Variants in CCNJL observed in about 807,000 individuals in gnomAD.
CCNJL encodes the protein cyclin J like.
A neutral mutation model predicts 33.4 loss-of-function variants in CCNJL; 33 were observed. That is an observed-to-expected ratio of 0.99 (90% confidence interval 0.75 to 1.32). CCNJL has a LOEUF of 1.32. Ranked by LOEUF, CCNJL falls within the 40% of genes most tolerant of loss-of-function variation. The pLI is 0.00. For synonymous variants in CCNJL, 227 were observed against 220.9 expected, an observed-to-expected ratio of 1.03 and a Z score of -0.24; for missense variants, 512 against 499.7, an observed-to-expected ratio of 1.02 and a Z score of -0.23.
chr5:160,322,774 C>T (rs557818934), intron 1 of CCNJL, among the ~76,000 whole-genome samples: 1 of 149,830 alleles, frequency 6.7e-6, no homozygotes, highest in East Asian at 2.0e-4. Flanking sequence ...GGCGTGGTTG[C>T]GCAGCGCACC....
intron 3 of CCNJL, among the ~76,000 whole-genome samples, chr5:160,269,111 A>G (rs1011620841): frequency 6.6e-6 from 1 of 152,200 alleles, no homozygotes; most frequent in African/African-American, 2.4e-5. Context: ...GAAATTGTGA[A>G]AATGCCTTCT....
intron 3 of CCNJL, among the ~76,000 whole-genome samples, chr5:160,266,651 G>A (rs1304340272): frequency 2.0e-5 from 3 of 152,182 alleles, no homozygotes; most frequent in African/African-American, 4.8e-5. Context: ...ACGGGCATGT[G>A]GGAGGTGCTC....
intron 3 of CCNJL, among the ~76,000 whole-genome samples, chr5:160,265,115 C>CAGGCTTGAGCGCGGCCCACCCCCAACT (rs1429097041): frequency 6.6e-6 from 1 of 152,140 alleles, no homozygotes; most frequent in Non-Finnish European, 1.5e-5. Context: ...TCCTGTTGCC[C>CAGGCTTGAGCGCGGCCCACCCCCAACT]AGGCTTGAGC....
At position 160,259,676 on chromosome 5, in the gene CCNJL, C is replaced by T; in HGVS notation, c.376G>A (p.Glu126Lys). 6.2e-7 allele frequency: 1 copy of T among 1,614,154 alleles called. No individual in the cohort carries two copies. Residue 126 changes from glutamate (E) to lysine (K), a missense_variant, in exon 4 of 6, where the codon GAG (glutamate) becomes AAG (lysine). Physicochemically the swap from Glu to Lys is moderately conservative, Grantham distance 56. Coordinates refer to ENST00000257536, the MANE Select transcript of CCNJL (RefSeq NM_001308173.3). ...AGCAGCAGCTCTGTGCTCAGCAGCT[C>T]CTTCTTGGTGAGGGTGAAGTTCTGG... ...SSQNFTLTKK[E>K]LLSTELLLLE...
intron 3 of CCNJL, among the ~76,000 whole-genome samples, chr5:160,263,757 T>G (rs1761448802): frequency 6.6e-6 from 1 of 152,218 alleles, no homozygotes; most frequent in Admixed American, 6.5e-5. Context: ...GGGCACACTT[T>G]GTGAATATCC....
chr5:160,250,213 A>G lies in CCNJL; in HGVS notation c.*3165T>C, dbSNP rs1368349993. ...CCCCAAGAGCTTAGAACCATCCACC[A>G]ACTTGACCATCTCCATAGTAACAGA... On this transcript the variant is annotated 3_prime_UTR_variant, in exon 6 of 6. Coordinates refer to ENST00000257536, the MANE Select transcript of CCNJL (RefSeq NM_001308173.3). The G allele has an allele frequency of 2.0e-5, 3 of 152,280 alleles. No homozygotes were observed. Among genetic ancestry groups the G allele is most frequent in the African/African-American group, 7.2e-5 (3 of 41,562 alleles). The allele number at this position is 152,280 out of a possible 1,614,324, so 9.4% of individuals were successfully genotyped here. A position where few individuals can be genotyped will look rare whatever the true frequency, so the allele number is the denominator to read the frequency against.
chr5:160,269,502 G>C (rs1031868006), intron 3 of CCNJL: 7 of 456,370 alleles, frequency 1.5e-5, no homozygotes, highest in African/African-American at 8.0e-5. Flanking sequence ...GCACTGCTGC[G>C]CTGAACGTGT....
At chr5:160,326,948 C>T (rs776089339) in intron 1 of CCNJL, 14 of 617,676 alleles carry the variant, frequency 2.3e-5, no homozygotes, top group Middle Eastern at 1.0e-3. Flanking sequence ...CATAATATTA[C>T]TCTGCTACGA....
chr5:160,280,380 T>C (rs924929891), intron 3 of CCNJL, 145 bp downstream of exon 3: 42 of 673,148 alleles, frequency 6.2e-5, no homozygotes, highest in South Asian at 1.2e-4. Context: ...CATCTAAAAA[T>C]GTTGATGCTA....
intron 5 of CCNJL, chr5:160,254,215 C>T: frequency 1.9e-6 from 1 of 525,678 alleles, no homozygotes; most frequent in Middle Eastern, 3.6e-4. Flanking sequence ...CCTGAATGAG[C>T]CCAATCTCTG....
chr5:160,315,381 C>A, upstream of CCNJL: 1 of 422,128 alleles, frequency 2.4e-6, no homozygotes, highest in South Asian at 1.7e-5. Flanking sequence ...GTGGTATACA[C>A]CTGTAGTCTT....
chr5:160,312,108 G>T, intron 1 of CCNJL, 136 bp from the exon 2 acceptor site: 1 of 613,526 alleles, frequency 1.6e-6, no homozygotes, highest in Non-Finnish European at 2.9e-6. Flanking sequence ...GCTGGAGGTC[G>T]CCTCTGGTCC....
At chr5:160,262,668 A>C (rs1402178153) in intron 3 of CCNJL, among the ~76,000 whole-genome samples, 1 of 152,220 alleles carries the variant, frequency 6.6e-6, no homozygotes, top group Non-Finnish European at 1.5e-5. Flanking sequence ...TACAATCCTC[A>C]GAGGCTCAGA....
upstream of CCNJL, chr5:160,313,011 T>C (rs1033380014): frequency 6.6e-6 from 1 of 152,068 alleles, no homozygotes; most frequent in Non-Finnish European, 1.5e-5. Flanking sequence ...GGGAGGTAGA[T>C]TTCCAAACGG....
At position 160,280,575 on chromosome 5, in the gene CCNJL, G is replaced by A. The variant is rs1580979398; in HGVS notation, c.230C>T (p.Thr77Ile). 1 of 1,613,488 alleles carries A rather than the reference G, an allele frequency of 6.2e-7. No individual in the cohort carries two copies. Among genetic ancestry groups the A allele is most frequent in the East Asian group, 2.2e-5 (1 of 44,880 alleles). ...LDHFMDRYNV[T>I]TSKQLYTVAV... is the part of the protein sequence containing the mutation. ...CACGGTGTAGAGCTGCTTGGAGGTG[G>A]TGACGTTGTAGCGATCCATGAAGTG... Residue 77 changes from threonine to isoleucine, a missense_variant, in exon 3 of 6, where the codon ACC becomes ATC. By Grantham distance (89) the Thr-to-Ile change is moderately conservative. Transcript: ENST00000257536.
rs1763680943 is a variant in CCNJL, at chr5:160,336,041, T to C, written n.206+3404A>G. ...TCAGTCTTCAGACTCTCCCCTTCTT[T>C]ATTTGAATTCTTCCCCCTTGTGATC... On this transcript the variant is annotated intron_variant and non_coding_transcript_variant, in intron 1 of 7. Coordinates refer to the CCNJL transcript ENST00000377503. 3.3e-5 allele frequency among the ~76,000 whole-genome samples: 5 copies of C among 152,200 alleles called. No homozygotes were observed. The South Asian group carries it at 1.0e-3, about 32-fold the overall frequency.
upstream of CCNJL, chr5:160,312,869 T>TTA (rs780448586): frequency 6.6e-6 from 1 of 151,834 alleles, no homozygotes; most frequent in Non-Finnish European, 1.5e-5. Flanking sequence ...CAGAAAGTTC[T>TTA]GCCTTCCGCG....
chr5:160,333,279 C>G (rs1052924305), intron 1 of CCNJL, among the ~76,000 whole-genome samples: 1 of 152,038 alleles, frequency 6.6e-6, no homozygotes, highest in Non-Finnish European at 1.5e-5. Flanking sequence ...CCCGCCACCA[C>G]GCCCGGCTAA....
At chr5:160,258,194 TG>T in intron 4 of CCNJL, 2 of 528,540 alleles carry the variant, frequency 3.8e-6, no homozygotes, top group Non-Finnish European at 6.9e-6. Flanking sequence ...TGGTAGGTTA[TG>T]GGATGGTTGT....
Sources: gnomAD v4.1 joint callset for allele counts (sites outside exome capture counted in the v4.1 genomes callset) on GRCh38, gnomAD v4.1.1 for gene constraint, MANE v1.5 for transcripts, NCBI Gene and HGNC (gene_info 2026-07-23, HGNC 2026-07-21) for gene names.